The following DLG1 variants were observed in gnomAD, a reference collection of about 807,000 sequenced individuals.
The protein encoded by DLG1 is disks large homolog 1.
In DLG1, 42 loss-of-function variants were observed where a neutral mutation model predicts 123.4. That is an observed-to-expected ratio of 0.34 (90% confidence interval 0.27 to 0.44). DLG1 has a LOEUF of 0.44. DLG1 is among the 20% of genes least tolerant of loss of function. The probability of loss-of-function intolerance (pLI) is 1.00; values close to 1 mark genes in which losing one functional copy is unlikely to be tolerated. For synonymous variants in DLG1, 317 were observed against 356.2 expected, an observed-to-expected ratio of 0.89 and a Z score of 1.24; for missense variants, 942 against 1,082.6, an observed-to-expected ratio of 0.87 and a Z score of 1.82.
intron 18 of DLG1, chr3:197,075,846 T>C: frequency 1.9e-6 from 3 of 1,612,564 alleles, no homozygotes; most frequent in Non-Finnish European, 2.5e-6. Context: ...CTCAGGCCTT[T>C]TGATCCCATG....
intron 14 of DLG1, among the ~76,000 whole-genome samples, chr3:197,092,496 ATTGT>A (rs1187199375): frequency 6.6e-6 from 1 of 152,118 alleles, no homozygotes; most frequent in East Asian, 1.9e-4. Flanking sequence ...TGGTTGAATT[ATTGT>A]TTTCTTTTTT....
At chr3:197,097,235 T>A (rs914081293) in intron 14 of DLG1, among the ~76,000 whole-genome samples, 1 of 152,156 alleles carries the variant, frequency 6.6e-6, no homozygotes, top group Non-Finnish European at 1.5e-5. Flanking sequence ...CCCCTTCATA[T>A]CTTAGTGTAG....
chr3:197,108,890 T>C (rs1020929395), intron 13 of DLG1, among the ~76,000 whole-genome samples: 1 of 152,236 alleles, frequency 6.6e-6, no homozygotes, highest in African/African-American at 2.4e-5. Flanking sequence ...ATGTAGAATT[T>C]ACTTAATTTG....
At chr3:197,128,773 C>T (rs6789201) in intron 11 of DLG1, among the ~76,000 whole-genome samples, 113,641 of 152,154 alleles carry the variant, frequency 0.75, 42,546 homozygotes, top group East Asian at 0.82. Flanking sequence ...TCCCTGCACA[C>T]TGCCATCATA....
chr3:197,246,998 C>T (rs1156520139), intron 4 of DLG1, among the ~76,000 whole-genome samples: 1 of 152,192 alleles, frequency 6.6e-6, no homozygotes, highest in Non-Finnish European at 1.5e-5. Context: ...CCCAAGTATA[C>T]AGCTGTGGCC....
intron 10 of DLG1, among the ~76,000 whole-genome samples, chr3:197,131,751 G>A (rs908641891): frequency 2.8e-4 from 42 of 150,260 alleles, no homozygotes; most frequent in South Asian, 1.1e-3. Context: ...CCGCCACTAC[G>A]CCCGGCTAAT....
At chr3:197,254,018 A>C (rs575131016) in intron 4 of DLG1, among the ~76,000 whole-genome samples, 1 of 152,304 alleles carries the variant, frequency 6.6e-6, no homozygotes, top group African/African-American at 2.4e-5. Context: ...ACACTTACCT[A>C]AACAGTGTAT....
chr3:197,158,068 G>A (rs1014905548), intron 5 of DLG1, among the ~76,000 whole-genome samples: 2 of 152,110 alleles, frequency 1.3e-5, no homozygotes, highest in African/African-American at 4.8e-5. Context: ...AGAATACACA[G>A]AGGAACTCCT....
At chr3:197,298,023 C>A (rs540732001) in intron 1 of DLG1, 1 of 756,282 alleles carries the variant, frequency 1.3e-6, no homozygotes, top group African/African-American at 1.9e-5. Context: ...CCGCGGCCCC[C>A]CGGCCCGCTC....
intron 11 of DLG1, among the ~76,000 whole-genome samples, chr3:197,119,871 T>C (rs1560814106): frequency 1.3e-5 from 2 of 152,186 alleles, no homozygotes; most frequent in Non-Finnish European, 2.9e-5. Flanking sequence ...TATGTCCTTA[T>C]ACTAGCTCAG....
chr3:197,166,963 C>T (rs887736712), intron 5 of DLG1, among the ~76,000 whole-genome samples: 7 of 151,992 alleles, frequency 4.6e-5, no homozygotes, highest in Admixed American at 2.0e-4. Flanking sequence ...TGGCTGACTC[C>T]AGTGCTAGAG....
chr3:197,221,959 T>C (rs1315617417), intron 4 of DLG1, among the ~76,000 whole-genome samples: 1 of 152,216 alleles, frequency 6.6e-6, no homozygotes, highest in Non-Finnish European at 1.5e-5. Flanking sequence ...CATCCTCCCA[T>C]ATACTTTAAA....
At chr3:197,143,920 C>A (rs1258897038) in intron 6 of DLG1, among the ~76,000 whole-genome samples, 2 of 152,150 alleles carry the variant, frequency 1.3e-5, no homozygotes, top group African/African-American at 2.4e-5. Flanking sequence ...GAAGTTAACT[C>A]CTACAGTAAA....
At chr3:197,193,783 GA>G (rs1212435010) in intron 5 of DLG1, among the ~76,000 whole-genome samples, 1 of 151,424 alleles carries the variant, frequency 6.6e-6, no homozygotes. Flanking sequence ...ATAGGATCAA[GA>G]AAAGTCACAT....
intron 5 of DLG1, among the ~76,000 whole-genome samples, chr3:197,156,887 C>T (rs187216394): frequency 1.5e-4 from 23 of 152,212 alleles, no homozygotes; most frequent in African/African-American, 5.3e-4. Flanking sequence ...ATGGGCAGAA[C>T]AACCAGACAT....
chr3:197,210,834 C>T (rs1433437412), intron 4 of DLG1, among the ~76,000 whole-genome samples: 1 of 144,632 alleles, frequency 6.9e-6, no homozygotes, highest in Non-Finnish European at 1.5e-5. Flanking sequence ...ATCAGCATAA[C>T]CTTAATACCA....
At position 197,234,393 on chromosome 3, in the gene DLG1, A is replaced by G. The variant is rs1048421269; in HGVS notation, c.319-39804T>C. On this transcript the variant is annotated intron_variant, in intron 4 of 24. Transcript: ENST00000667157. ...ATAAAACAAGGACAAAACATTTCCA[A>G]AAAGTATAATGGATGAATTTAGGAG... Among the ~76,000 whole-genome samples the G allele has an allele frequency of 2.0e-5, 3 of 152,218 alleles. No homozygotes were observed. In the East Asian group the frequency reaches 5.8e-4, roughly 29 times the overall value.
chr3:197,251,591 A>AGAAT (rs539726332), intron 4 of DLG1, among the ~76,000 whole-genome samples: 225 of 152,316 alleles, frequency 1.5e-3, no homozygotes, highest in Non-Finnish European at 2.4e-3. Flanking sequence ...CATATGCATA[A>AGAAT]GAATGAATGA....
chr3:197,073,779 T>C (rs1745550320), intron 18 of DLG1, among the ~76,000 whole-genome samples: 1 of 152,146 alleles, frequency 6.6e-6, no homozygotes, highest in Non-Finnish European at 1.5e-5. Flanking sequence ...TTTCATAGGT[T>C]GTGTGAATTT....
Sources: allele counts gnomAD v4.1 joint callset (sites outside exome capture counted in the v4.1 genomes callset), GRCh38; gene constraint gnomAD v4.1.1; transcripts MANE v1.5; gene names NCBI Gene and HGNC (gene_info 2026-07-23, HGNC 2026-07-21).